The following PCDH15 variants were observed in gnomAD, a reference collection of about 807,000 sequenced individuals.
PCDH15 encodes protocadherin related 15.
Under a neutral mutation model 178.5 loss-of-function variants are expected in PCDH15, and 129 were observed. The observed-to-expected ratio is 0.72, with a 90% CI of 0.63 to 0.84. PCDH15 has a LOEUF of 0.84. Ranked by LOEUF, PCDH15 falls within the 40% of genes least tolerant of loss-of-function variation. The probability of loss-of-function intolerance (pLI) is 0.00; values close to 1 mark genes in which losing one functional copy is unlikely to be tolerated. For synonymous variants in PCDH15, 800 were observed against 732.0 expected (o/e 1.09, Z -1.50); for missense variants, 2,230 against 2,099.9 (o/e 1.06, Z -1.21).
intron 23 of PCDH15, among the ~76,000 whole-genome samples, chr10:53,941,843 T>A (rs1412668105): frequency 6.6e-6 from 1 of 152,244 alleles, no homozygotes; most frequent in East Asian, 1.9e-4. Flanking sequence ...ATAGTCTGGA[T>A]TTCAGACATT....
At chr10:55,111,196 A>G (rs184036948) in intron 2 of PCDH15, among the ~76,000 whole-genome samples, 1 of 152,296 alleles carries the variant, frequency 6.6e-6, no homozygotes, top group Admixed American at 6.5e-5. Context: ...GTGTCTGAAG[A>G]CTTTTCACAG....
intron 1 of PCDH15, among the ~76,000 whole-genome samples, chr10:55,273,148 A>G (rs987221318): frequency 5.9e-5 from 9 of 152,166 alleles, no homozygotes; most frequent in African/African-American, 2.2e-4. Flanking sequence ...GTGTAAGTTT[A>G]TTTCAACTTA....
Position 53,840,371 on chromosome 10 carries a change from T to C in PCDH15, c.3932A>G (p.Tyr1311Cys), listed in dbSNP as rs752031456. Residue 1311 changes from tyrosine (Y) to cysteine (C), a missense_variant, in exon 29 of 38, where the codon TAT becomes TGT. Coordinates refer to ENST00000644397, the MANE Select transcript of PCDH15 (RefSeq NM_001384140.1). ...TCTGTTGGTTTGGGGGTCAATTGCA[T>C]AGACAGTCAAGTCACATTTGGTGTA... ...EDYTKCDLTV[Y>C]AIDPQTNRAI... The C allele has an allele frequency of 5.6e-6, 9 of 1,614,048 alleles. 1 individual carries two copies. Among genetic ancestry groups the C allele is most frequent in the Middle Eastern group, 3.3e-4 (2 of 6,084 alleles).
At chr10:54,446,011 T>G (rs1589447303) in intron 3 of PCDH15, among the ~76,000 whole-genome samples, 2 of 151,710 alleles carry the variant, frequency 1.3e-5, no homozygotes, top group African/African-American at 2.4e-5. Flanking sequence ...TCTCATTTTT[T>G]TTAAGTTCTT....
chr10:55,513,126 T>A, intron 2 of PCDH15: 1 of 152,150 alleles, frequency 6.6e-6, no homozygotes, highest in African/African-American at 2.4e-5. Context: ...ACAACGTGAT[T>A]AATGTTCTTT....
At chr10:54,541,014 T>G (rs140920586) in intron 2 of PCDH15, among the ~76,000 whole-genome samples, 1 of 152,232 alleles carries the variant, frequency 6.6e-6, no homozygotes. Context: ...TATCTCAAAA[T>G]AATAGGAGCC....
chr10:55,325,108 G>A (rs192102152), intron 2 of PCDH15, among the ~76,000 whole-genome samples: 1 of 152,110 alleles, frequency 6.6e-6, no homozygotes, highest in Non-Finnish European at 1.5e-5. Flanking sequence ...CCTATTCATG[G>A]ACAGGAAGAA....
chr10:54,624,173 C>A (rs1272701693), intron 2 of PCDH15, among the ~76,000 whole-genome samples: 1 of 151,994 alleles, frequency 6.6e-6, no homozygotes, highest in Admixed American at 6.6e-5. Flanking sequence ...ACGTGTTTGG[C>A]TACTTAAAAT....
At chr10:54,174,702 CTTTTTTTTT>C (rs1169302544) in intron 13 of PCDH15, among the ~76,000 whole-genome samples, 1 of 84,054 alleles carries the variant, frequency 1.2e-5, no homozygotes, top group African/African-American at 5.0e-5. Flanking sequence ...TTTTTCTTTT[CTTTTTTTTT>C]TTTTTTTTTT....
chr10:55,053,139 T>G (rs1258105556), intron 2 of PCDH15, among the ~76,000 whole-genome samples: 1 of 152,160 alleles, frequency 6.6e-6, no homozygotes, highest in African/African-American at 2.4e-5. Context: ...CCTTCCAAAG[T>G]CTATAACCTA....
rs202091131 is a variant in PCDH15 at position 53,903,288 on chromosome 10, A to C, written c.3456T>G (p.Gly1152=). ...TAAACATTCTTGCATCTTCAGATAC[A>C]CCTCCGATGTAGAATTTTTTCTGAA... The part of the protein sequence containing the change: ...PVFQKKFYIG[G]VSEDARMFTS... Residue 1152 remains glycine, a synonymous_variant, in exon 26 of 38, where the codon GGT becomes GGG. Coordinates refer to ENST00000644397, the MANE Select transcript of PCDH15 (RefSeq NM_001384140.1). 1.9e-6 allele frequency: 3 copies of C among 1,613,164 alleles called. No homozygotes were observed. The highest frequency in any genetic ancestry group is 2.5e-6 in the Non-Finnish European group (3 of 1,179,482).
At chr10:55,112,314 C>T (rs1190396300) in intron 2 of PCDH15, among the ~76,000 whole-genome samples, 1 of 152,104 alleles carries the variant, frequency 6.6e-6, no homozygotes, top group Non-Finnish European at 1.5e-5. Flanking sequence ...TTTTCTTGCC[C>T]TCTGTCCACC....
At chr10:54,238,173 T>G (rs980659499) in intron 8 of PCDH15, among the ~76,000 whole-genome samples, 1 of 152,126 alleles carries the variant, frequency 6.6e-6, no homozygotes, top group Non-Finnish European at 1.5e-5. Flanking sequence ...TGTCTCAATA[T>G]CTACAACCTT....
At chr10:53,973,222 A>G (rs1197254478) in intron 21 of PCDH15, among the ~76,000 whole-genome samples, 1 of 148,066 alleles carries the variant, frequency 6.8e-6, no homozygotes, top group Non-Finnish European at 1.5e-5. Context: ...GTTTTCACTC[A>G]TAGGTGGGAA....
At chr10:55,235,710 C>G (rs903388782) in intron 1 of PCDH15, among the ~76,000 whole-genome samples, 4 of 151,814 alleles carry the variant, frequency 2.6e-5, no homozygotes, top group African/African-American at 9.7e-5. Context: ...AGTTCCAGAC[C>G]AGCCTGACCT....
At chr10:55,492,956 G>A (rs1840451765) in intron 2 of PCDH15, among the ~76,000 whole-genome samples, 1 of 151,692 alleles carries the variant, frequency 6.6e-6, no homozygotes, top group South Asian at 2.1e-4. Flanking sequence ...TTATCAGTAG[G>A]TTTGAGGTGG....
At chr10:55,447,019 G>C (rs2132076521) in intron 2 of PCDH15, among the ~76,000 whole-genome samples, 1 of 151,932 alleles carries the variant, frequency 6.6e-6, no homozygotes, top group Non-Finnish European at 1.5e-5. Flanking sequence ...AATGGTCAAA[G>C]AAATAATTTC....
intron 3 of PCDH15, among the ~76,000 whole-genome samples, chr10:54,406,161 GTTT>G (rs574515761): frequency 1.3e-5 from 2 of 151,938 alleles, no homozygotes; most frequent in Admixed American, 6.6e-5. Context: ...ATGTCTTTTT[GTTT>G]TTTATGTGTA....
At chr10:54,494,838 G>A (rs1396290261) in intron 3 of PCDH15, among the ~76,000 whole-genome samples, 3 of 151,740 alleles carry the variant, frequency 2.0e-5, no homozygotes, top group Non-Finnish European at 4.4e-5. Context: ...CAGAGGCAAG[G>A]AAGGACAAGA....
Sources: gnomAD v4.1 joint callset for allele counts (sites outside exome capture counted in the v4.1 genomes callset) on GRCh38, gnomAD v4.1.1 for gene constraint, MANE v1.5 for transcripts, NCBI Gene and HGNC (gene_info 2026-07-23, HGNC 2026-07-21) for gene names.